IFRD1: variants seen among roughly 807,000 people sequenced by gnomAD.
IFRD1 encodes the protein interferon-related developmental regulator 1.
Under a neutral mutation model 52.9 loss-of-function variants are expected in IFRD1, and 35 were observed. The observed-to-expected ratio is 0.66, with a 90% CI of 0.51 to 0.88. The LOEUF (loss-of-function observed/expected upper bound fraction) is 0.88, where lower values mean the gene tolerates loss of function less well. Among genes scored for constraint, IFRD1 ranks in the 40% least tolerant of loss-of-function variants. The pLI, the probability that IFRD1 is intolerant of heterozygous loss-of-function variation, is 0.00. For missense variants in IFRD1, 517 were observed against 550.8 expected (o/e 0.94, Z 0.61); for synonymous variants, 184 against 188.4 (o/e 0.98, Z 0.19).
chr7:112,463,274 T>G (rs116695128), intron 8 of IFRD1, among the ~76,000 whole-genome samples: 1,784 of 152,328 alleles, frequency 0.012, 41 homozygotes, highest in African/African-American at 0.039. Context: ...AACCTTGAAT[T>G]ACTTACTAGA....
chr7:112,445,227 C>T (rs967735109), intron 1 of IFRD1, among the ~76,000 whole-genome samples: 14 of 151,930 alleles, frequency 9.2e-5, no homozygotes, highest in African/African-American at 2.7e-4. Context: ...CCACCACGCC[C>T]GGCTAATTTT....
chr7:112,455,868 G>GT lies in IFRD1; in HGVS notation c.199+2dup. The GT allele has an allele frequency of 6.2e-7, 1 of 1,600,118 alleles. No homozygotes were observed. The highest frequency in any genetic ancestry group is 8.6e-7 in the Non-Finnish European group (1 of 1,167,332). On this transcript the variant is annotated splice_donor_variant, in intron 2 of 11. Coordinates refer to ENST00000403825, the MANE Select transcript of IFRD1 (RefSeq NM_001550.4). LOFTEE classifies it high-confidence loss of function. The stretch of plus-strand genomic sequence containing the variant: ...GATCCTTCCAGTTTTGCTGAAGATG[G>GT]TATGAGTTTTAAATTTAAATTTGCA...
At chr7:112,451,959 G>T in intron 1 of IFRD1, 1 of 972,014 alleles carries the variant, frequency 1.0e-6, no homozygotes, top group Non-Finnish European at 1.2e-6. Context: ...ATTTAAAAAA[G>T]CTCAAAAACT....
At chr7:112,475,115 T>G (rs533326423) in intron 11 of IFRD1, among the ~76,000 whole-genome samples, 2 of 152,004 alleles carry the variant, frequency 1.3e-5, no homozygotes, top group African/African-American at 2.4e-5. Context: ...TGTGCCACCA[T>G]GCCTGGCTAA....
At chr7:112,431,554 T>G (rs566311916) in intron 1 of IFRD1, among the ~76,000 whole-genome samples, 96 of 152,312 alleles carry the variant, frequency 6.3e-4, no homozygotes, top group Non-Finnish European at 1.0e-3. Flanking sequence ...CCACCACCTA[T>G]TCCTTATATC....
intron 1 of IFRD1, among the ~76,000 whole-genome samples, chr7:112,429,774 TAAA>T (rs1563254799): frequency 6.6e-6 from 1 of 152,214 alleles, no homozygotes; most frequent in African/African-American, 2.4e-5. Context: ...AGCATCTTCC[TAAA>T]AAAGAATATA....
intron 4 of IFRD1, chr7:112,458,029 AG>A (rs1309064880): frequency 6.6e-6 from 1 of 152,236 alleles, no homozygotes; most frequent in African/African-American, 2.4e-5. Context: ...TTATTGGTAT[AG>A]TTGATAGCAG....
At chr7:112,454,570 A>G (rs1795241809) in intron 1 of IFRD1, among the ~76,000 whole-genome samples, 1 of 152,176 alleles carries the variant, frequency 6.6e-6, no homozygotes. Flanking sequence ...CTTTTATACT[A>G]TATCAAATAC....
chr7:112,469,532 A>G (rs1305050791), intron 9 of IFRD1, among the ~76,000 whole-genome samples: 1 of 152,072 alleles, frequency 6.6e-6, no homozygotes, highest in East Asian at 1.9e-4. Context: ...TCTTTAAGTA[A>G]CTATAAACTA....
At chr7:112,425,865 T>C (rs1259060771) in intron 1 of IFRD1, among the ~76,000 whole-genome samples, 1 of 152,204 alleles carries the variant, frequency 6.6e-6, no homozygotes, top group African/African-American at 2.4e-5. Context: ...CATCCTATTT[T>C]TTCTGTTTAC....
chr7:112,464,470 T>G (rs1370558544), intron 8 of IFRD1, among the ~76,000 whole-genome samples: 2 of 152,186 alleles, frequency 1.3e-5, no homozygotes, highest in African/African-American at 4.8e-5. Flanking sequence ...GATCTCTTTC[T>G]CTCTTACTAG....
upstream of IFRD1, chr7:112,450,259 G>A: frequency 5.4e-6 from 1 of 185,018 alleles, no homozygotes; most frequent in Non-Finnish European, 1.2e-5. Context: ...CCAGAATTCA[G>A]TGAGGCCACG....
rs72284919 is a variant in IFRD1, at chr7:112,463,853, T to TACACACACACACAC, written c.906+1504_906+1517dup. ...ATATACATATATATACACATTTATA[T>TACACACACACACAC]ACACACACACACACACACACACACA... On this transcript the variant is annotated intron_variant, in intron 8 of 11. Coordinates refer to ENST00000403825, the MANE Select transcript of IFRD1 (RefSeq NM_001550.4). 4.6e-5 allele frequency among the ~76,000 whole-genome samples: 2 copies of TACACACACACACAC among 43,434 alleles called. 1 individual carries two copies. The highest frequency in any genetic ancestry group is 3.0e-4 in the Admixed American group (2 of 6,716). 28.5% of individuals were successfully genotyped at this position (43,434 alleles called of 152,430 possible).
chr7:112,438,995 C>A (rs1030569905), intron 1 of IFRD1, among the ~76,000 whole-genome samples: 1 of 152,022 alleles, frequency 6.6e-6, no homozygotes, highest in Non-Finnish European at 1.5e-5. Flanking sequence ...ACAACAACAA[C>A]AAGAACAGTA....
chr7:112,428,279 C>A (rs1794470247), intron 1 of IFRD1, among the ~76,000 whole-genome samples: 1 of 152,100 alleles, frequency 6.6e-6, no homozygotes, highest in South Asian at 2.1e-4. Context: ...CCTGATGAAG[C>A]TTTAATGAAG....
chr7:112,430,651 C>A (rs1230771820), intron 1 of IFRD1, among the ~76,000 whole-genome samples: 1 of 152,198 alleles, frequency 6.6e-6, no homozygotes, highest in East Asian at 1.9e-4. Context: ...TTCGTGAGCC[C>A]ATGTCCAGGA....
intron 1 of IFRD1, among the ~76,000 whole-genome samples, chr7:112,440,287 A>G (rs1038997191): frequency 1.3e-5 from 2 of 152,182 alleles, no homozygotes; most frequent in Non-Finnish European, 2.9e-5. Flanking sequence ...ACTCGGTCAC[A>G]AAAGCCTTTC....
intron 1 of IFRD1, among the ~76,000 whole-genome samples, chr7:112,453,901 T>A (rs2117287039): frequency 6.6e-6 from 1 of 152,276 alleles, no homozygotes; most frequent in Middle Eastern, 3.4e-3. Flanking sequence ...AGTAACAGGC[T>A]TAAATTTGGA....
chr7:112,465,627 T>TA (rs1011648087), intron 8 of IFRD1, among the ~76,000 whole-genome samples: 34 of 152,128 alleles, frequency 2.2e-4, no homozygotes, highest in African/African-American at 4.6e-4. Flanking sequence ...CATTTCCCTA[T>TA]AAAAAACCTA....
Sources: allele counts gnomAD v4.1 joint callset (sites outside exome capture counted in the v4.1 genomes callset), GRCh38; gene constraint gnomAD v4.1.1; transcripts MANE v1.5; gene names NCBI Gene and HGNC (gene_info 2026-07-23, HGNC 2026-07-21).